Variants in ZNF777 observed in about 807,000 individuals in gnomAD.
The protein encoded by ZNF777 is zinc finger protein 777.
Under a neutral mutation model 72.1 loss-of-function variants are expected in ZNF777, and 7 were observed. The ratio of observed to expected loss-of-function variants is 0.10; its 90% CI spans 0.06 to 0.18. The LOEUF is 0.18. Ranked by LOEUF, ZNF777 falls within the 10% of genes least tolerant of loss-of-function variation. The pLI, the probability that ZNF777 is intolerant of heterozygous loss-of-function variation, is 1.00. For missense variants in ZNF777, 828 were observed against 1,128.6 expected (o/e 0.73, Z 3.82); for synonymous variants, 545 against 483.5 (o/e 1.13, Z -1.67).
chr7:149,457,675 G>C (rs1262253260), intron 1 of ZNF777, among the ~76,000 whole-genome samples: 1 of 152,134 alleles, frequency 6.6e-6, no homozygotes, highest in Non-Finnish European at 1.5e-5. Context: ...ATTCACAAAA[G>C]GTTTTTGAGA....
intron 5 of ZNF777, among the ~76,000 whole-genome samples, chr7:149,434,141 T>C (rs562478536): frequency 4.6e-5 from 7 of 152,294 alleles, no homozygotes; most frequent in Middle Eastern, 6.8e-3. Flanking sequence ...TCAAGTGATG[T>C]TTCCAAATAG....
intron 1 of ZNF777, among the ~76,000 whole-genome samples, chr7:149,459,144 G>T (rs766433469): frequency 3.5e-4 from 53 of 151,804 alleles, no homozygotes; most frequent in East Asian, 1.9e-4. Flanking sequence ...GTTTTTTTTT[G>T]ATTAAAGAAT....
intron 3 of ZNF777, 133 bp from the exon 4 acceptor site, chr7:149,451,245 T>C: frequency 1.4e-6 from 1 of 734,202 alleles, no homozygotes; most frequent in Admixed American, 2.3e-5. Flanking sequence ...CCGCCAAGTC[T>C]CCCCTTCTTT....
intron 3 of ZNF777, among the ~76,000 whole-genome samples, chr7:149,452,742 G>A (rs1799749216): frequency 6.6e-6 from 1 of 152,078 alleles, no homozygotes; most frequent in Non-Finnish European, 1.5e-5. Flanking sequence ...AGGGTATGAA[G>A]TGGCATTTTC....
chr7:149,439,636 T>C (rs996893290), intron 4 of ZNF777, among the ~76,000 whole-genome samples: 1 of 152,238 alleles, frequency 6.6e-6, no homozygotes, highest in Non-Finnish European at 1.5e-5. Context: ...CCACAGAATT[T>C]TATCCTAATA....
Position 149,455,144 on chromosome 7 carries a change from T to G in ZNF777, c.846+33A>C. On this transcript the variant is annotated intron_variant, in intron 2 of 5. Coordinates refer to ENST00000247930, the MANE Select transcript of ZNF777 (RefSeq NM_015694.3). This position sits in a 1 kb window ranked among gnomAD's most constrained non-coding sequence, Gnocchi z 4.2. Reference sequence around the variant, plus strand: ...TAAACCACACTCCAATTCAGATCACTTCCTTGGGAAGCCCCAGTTGGGATG... The same window carrying G: ...TAAACCACACTCCAATTCAGATCACGTCCTTGGGAAGCCCCAGTTGGGATG... 1 of 1,584,836 alleles carries G rather than the reference T, an allele frequency of 6.3e-7. No homozygotes were observed. The highest frequency in any genetic ancestry group is 8.6e-7 in the Non-Finnish European group (1 of 1,167,894).
At chr7:149,452,178 T>A (rs1045370081) in intron 3 of ZNF777, among the ~76,000 whole-genome samples, 9 of 151,648 alleles carry the variant, frequency 5.9e-5, no homozygotes, top group Non-Finnish European at 1.0e-4. Flanking sequence ...GGCAGGAGAA[T>A]AGTGTGAACC....
chr7:149,439,569 T>C (rs1799472785), intron 4 of ZNF777, among the ~76,000 whole-genome samples: 1 of 152,236 alleles, frequency 6.6e-6, no homozygotes, highest in Non-Finnish European at 1.5e-5. Context: ...CTTTGATAGC[T>C]GGAATTTTTA....
intron 4 of ZNF777, among the ~76,000 whole-genome samples, chr7:149,447,695 G>A (rs958123242): frequency 4.6e-5 from 7 of 152,142 alleles, no homozygotes; most frequent in South Asian, 2.1e-4. Flanking sequence ...AGTTCTCTAC[G>A]GAGCAACCAG....
Position 149,454,121 on chromosome 7 carries a change from C to T in ZNF777, c.963G>A (p.Leu321=), listed in dbSNP as rs767568141. ...KNVMRGNYES[L]VSMDYAISKP... ...AAGGCTTCTCCTTACCCATGGAAAC[C>T]AGGGACTCGTAGTTGCCCCTCATCA... The change falls in exon 3 of 6, where the codon CTG becomes CTA. Residue 321 remains leucine, a synonymous_variant. Coordinates refer to ENST00000247930, the MANE Select transcript of ZNF777 (RefSeq NM_015694.3). The T allele has an allele frequency of 6.2e-7, 1 of 1,614,226 alleles. No homozygotes were observed. Among genetic ancestry groups the T allele is most frequent in the Non-Finnish European group, 8.5e-7 (1 of 1,180,034 alleles).
In ZNF777 at chr7:149,451,090, G is replaced by A; in HGVS notation, c.996C>T (p.Asp332=). The A allele has an allele frequency of 6.2e-7, 1 of 1,613,874 alleles. No individual in the cohort carries two copies. Among genetic ancestry groups the A allele is most frequent in the Non-Finnish European group, 8.5e-7 (1 of 1,180,036 alleles). ...VSMDYAISKP[D]LMSQMERGER... ...CCCCGCGCTCCATCTGTGACATGAG[G>A]TCTGGTTTGGAAATTGCATAGTCTA... is the stretch of plus-strand genomic sequence containing the variant. Residue 332 remains aspartate, a synonymous_variant, in exon 4 of 6, where the codon GAC becomes GAT. Coordinates refer to ENST00000247930, the MANE Select transcript of ZNF777 (RefSeq NM_015694.3).
At chr7:149,444,827 G>A (rs182113294) in intron 4 of ZNF777, among the ~76,000 whole-genome samples, 2 of 152,280 alleles carry the variant, frequency 1.3e-5, no homozygotes, top group East Asian at 3.9e-4. Flanking sequence ...GTTCTCAGTT[G>A]CTCTGAAATT....
chr7:149,442,930 TGTA>T (rs2116583589), intron 4 of ZNF777, among the ~76,000 whole-genome samples: 1 of 152,336 alleles, frequency 6.6e-6, no homozygotes, highest in East Asian at 1.9e-4. Context: ...GGTAAGAGTG[TGTA>T]GAAACAAACA....
Position 149,454,089 on chromosome 7 carries a change from G to A in ZNF777, c.973+22C>T, listed in dbSNP as rs759426675. On this transcript the variant is annotated intron_variant, in intron 3 of 5. Transcript: ENST00000247930. ...TGAGCTGGCGTCCAGGCAGCCCCCA[G>A]CGAGCGAAGGCTTCTCCTTACCCAT... 6 of 1,613,736 alleles carry A rather than the reference G, an allele frequency of 3.7e-6. No individual in the cohort carries two copies. The East Asian group carries it at 6.7e-5, about 18-fold the overall frequency.
intron 4 of ZNF777, among the ~76,000 whole-genome samples, chr7:149,448,510 T>TATATATAAAA (rs1351675498): frequency 9.8e-5 from 12 of 122,364 alleles, no homozygotes; most frequent in Non-Finnish European, 1.4e-4. Context: ...TATATATATA[T>TATATATAAAA]AACTATATAT....
intron 4 of ZNF777, among the ~76,000 whole-genome samples, chr7:149,445,237 CTTATT>C (rs1191171098): frequency 1.3e-5 from 2 of 152,092 alleles, no homozygotes; most frequent in Non-Finnish European, 2.9e-5. Context: ...AATGCATTCA[CTTATT>C]TGATTTAAGG....
intron 4 of ZNF777, among the ~76,000 whole-genome samples, chr7:149,439,295 T>C (rs1799467821): frequency 6.6e-6 from 1 of 152,166 alleles, no homozygotes; most frequent in African/African-American, 2.4e-5. Flanking sequence ...TCAGGAAAAC[T>C]TCCCTGACTT....
Position 149,460,951 on chromosome 7 carries a change from C to G in ZNF777, c.-152G>C, listed in dbSNP as rs1165813549. The G allele has an allele frequency of 6.6e-6, 1 of 152,294 alleles. No homozygotes were observed. The highest frequency in any genetic ancestry group is 2.4e-5 in the African/African-American group (1 of 41,486). The allele number at this position is 152,294 out of a possible 1,614,324, so 9.4% of individuals were successfully genotyped here. On this transcript the variant is annotated 5_prime_UTR_variant, in exon 1 of 6. Transcript: ENST00000247930. The surrounding 1 kb of genome is among the most constrained non-coding windows in gnomAD (Gnocchi z 6.1). Reference sequence around the variant, plus strand: ...ATTGGCTCCGACAGCCTTCCTCCCGCCGATCCCCTGCGCCTCTCACACCCA... The same window carrying G: ...ATTGGCTCCGACAGCCTTCCTCCCGGCGATCCCCTGCGCCTCTCACACCCA...
intron 1 of ZNF777, among the ~76,000 whole-genome samples, chr7:149,457,356 A>G (rs1242333357): frequency 1.3e-5 from 2 of 152,236 alleles, no homozygotes; most frequent in Admixed American, 1.3e-4. Flanking sequence ...CAATCTGCTC[A>G]GTCACTATGC....
Sources: allele counts gnomAD v4.1 joint callset (sites outside exome capture counted in the v4.1 genomes callset), GRCh38; gene constraint gnomAD v4.1.1; non-coding constraint Gnocchi (gnomAD v3.1); transcripts MANE v1.5; gene names NCBI Gene and HGNC (gene_info 2026-07-23, HGNC 2026-07-21).